The following CNTN5 variants were observed in gnomAD, a reference collection of about 807,000 sequenced individuals.
CNTN5 encodes contactin 5.
In CNTN5, 77 loss-of-function variants were observed where a neutral mutation model predicts 129.1. That is an observed-to-expected ratio of 0.60 (90% CI 0.50 to 0.72). The LOEUF (loss-of-function observed/expected upper bound fraction) is 0.72, where lower values mean the gene tolerates loss of function less well. Among genes scored for constraint, CNTN5 ranks in the 30% least tolerant of loss-of-function variants. The probability of loss-of-function intolerance (pLI) is 0.00; values close to 1 mark genes in which losing one functional copy is unlikely to be tolerated. For missense variants in CNTN5, 1,478 were observed against 1,328.8 expected (o/e 1.11, Z -1.75); for synonymous variants, 509 against 465.6 (o/e 1.09, Z -1.20).
rs1030687084 is a variant in CNTN5, at chr11:100,259,429, C to T, written c.2164+3511C>T. On this transcript the variant is annotated intron_variant, in intron 17 of 24. Coordinates refer to ENST00000524871, the MANE Select transcript of CNTN5 (RefSeq NM_014361.4). ...AAGGATATTCAGGACTTAAACTCAG[C>T]TCTGGACCAAGCAGACCTAATAAAC... Among the ~76,000 whole-genome samples, 28 of 152,120 alleles carry T rather than the reference C, an allele frequency of 1.8e-4. 1 individual carries two copies.
intron 2 of CNTN5, among the ~76,000 whole-genome samples, chr11:99,385,807 C>CTGTATATATGGAATTCCATATATGGAT (rs1229150306): frequency 3.3e-5 from 5 of 152,060 alleles, no homozygotes; most frequent in Admixed American, 6.6e-5. Flanking sequence ...ACAGTGCATC[C>CTGTATATATGGAATTCCATATATGGAT]TGTATATATG....
At chr11:100,150,286 G>A (rs1029309383) in intron 13 of CNTN5, among the ~76,000 whole-genome samples, 1 of 151,962 alleles carries the variant, frequency 6.6e-6, no homozygotes, top group Admixed American at 6.6e-5. Flanking sequence ...AAGTGACGAG[G>A]CATTAGACAC....
At chr11:100,048,839 C>T (rs1264037346) in intron 9 of CNTN5, among the ~76,000 whole-genome samples, 3 of 151,856 alleles carry the variant, frequency 2.0e-5, no homozygotes, top group Non-Finnish European at 4.4e-5. Context: ...ATCTCCAACG[C>T]TCAATGAAAT....
intron 2 of CNTN5, among the ~76,000 whole-genome samples, chr11:99,504,110 C>T (rs1946526276): frequency 1.3e-5 from 2 of 152,062 alleles, no homozygotes; most frequent in African/African-American, 4.8e-5. Context: ...AGGGGCTGCA[C>T]AGATTTAAGG....
intron 13 of CNTN5, among the ~76,000 whole-genome samples, chr11:100,164,754 CCAGCATGTAA>C (rs1947570236): frequency 1.3e-5 from 2 of 151,596 alleles, no homozygotes; most frequent in African/African-American, 4.8e-5. Flanking sequence ...TATCAGAAAA[CCAGCATGTAA>C]TATTGGTGAG....
At chr11:99,160,790 G>T (rs1449534388) in intron 1 of CNTN5, among the ~76,000 whole-genome samples, 9 of 152,170 alleles carry the variant, frequency 5.9e-5, no homozygotes, top group Non-Finnish European at 1.0e-4. Context: ...AAAATACAGT[G>T]AGAGGGAGAA....
At chr11:99,124,119 C>T (rs59508873) in intron 1 of CNTN5, among the ~76,000 whole-genome samples, 9,358 of 152,020 alleles carry the variant, frequency 0.062, 310 homozygotes, top group African/African-American at 0.085. Flanking sequence ...TGGCTTTATG[C>T]AATATGGCCA....
chr11:99,500,923 A>G (rs968969005), intron 2 of CNTN5, among the ~76,000 whole-genome samples: 2 of 152,122 alleles, frequency 1.3e-5, no homozygotes, highest in Non-Finnish European at 2.9e-5. Context: ...TATGAAAGTT[A>G]TTTTTTCTTA....
rs147983157 is a variant in CNTN5, at chr11:99,621,344, C to T, written c.55+65075C>T. ...GAGTCAAAAAACAAATAAGCAAAAC[C>T]AGTGTACTTGACTGATGAATATAAC... On this transcript the variant is annotated intron_variant, in intron 3 of 24. Transcript: ENST00000524871. Among the ~76,000 whole-genome samples, 337 of 152,168 alleles carry T rather than the reference C, an allele frequency of 2.2e-3. 1 individual carries two copies. The highest frequency in any genetic ancestry group is 7.4e-3 in the African/African-American group (307 of 41,502).
At chr11:99,899,636 G>A (rs998522164) in intron 6 of CNTN5, among the ~76,000 whole-genome samples, 1 of 151,904 alleles carries the variant, frequency 6.6e-6, no homozygotes, top group Non-Finnish European at 1.5e-5. Flanking sequence ...CTAGTGTTTT[G>A]TTGAGGAGTT....
At chr11:99,074,713 G>A (rs773619564) in intron 1 of CNTN5, among the ~76,000 whole-genome samples, 11 of 152,092 alleles carry the variant, frequency 7.2e-5, no homozygotes, top group Non-Finnish European at 1.6e-4. Context: ...AAAGAGGCTG[G>A]TGTATATTTT....
At chr11:99,582,391 A>T (rs1274686766) in intron 3 of CNTN5, among the ~76,000 whole-genome samples, 7 of 152,188 alleles carry the variant, frequency 4.6e-5, no homozygotes, top group Admixed American at 4.6e-4. Flanking sequence ...AGGTTGGAGA[A>T]GTTCTCCTGG....
At chr11:99,613,141 G>A (rs546196582) in intron 3 of CNTN5, among the ~76,000 whole-genome samples, 60 of 152,274 alleles carry the variant, frequency 3.9e-4, no homozygotes, top group African/African-American at 1.4e-3. Context: ...GGATGATATG[G>A]TTAGGCTTTG....
At chr11:100,337,655 T>G in intron 21 of CNTN5, 4 of 660,448 alleles carry the variant, frequency 6.1e-6, no homozygotes, top group Non-Finnish European at 8.7e-6. Context: ...TGAGATTTTT[T>G]ACAGCTGGAC....
intron 7 of CNTN5, among the ~76,000 whole-genome samples, chr11:99,928,158 C>T (rs1223526427): frequency 6.6e-6 from 1 of 152,208 alleles, no homozygotes; most frequent in Non-Finnish European, 1.5e-5. Context: ...GGTGGGCTCC[C>T]ATGGCCTTGG....
intron 1 of CNTN5, among the ~76,000 whole-genome samples, chr11:99,287,652 C>G (rs1863994650): frequency 6.6e-6 from 1 of 151,966 alleles, no homozygotes; most frequent in Non-Finnish European, 1.5e-5. Context: ...GTAGTTGACA[C>G]TCATCATAGT....
At chr11:100,026,901 GT>G (rs1941449915) in intron 9 of CNTN5, among the ~76,000 whole-genome samples, 1 of 151,764 alleles carries the variant, frequency 6.6e-6, no homozygotes, top group Admixed American at 6.6e-5. Flanking sequence ...ATATCAATTT[GT>G]TTTTTCATGG....
At chr11:99,148,945 A>C (rs990727802) in intron 1 of CNTN5, among the ~76,000 whole-genome samples, 1 of 152,124 alleles carries the variant, frequency 6.6e-6, no homozygotes, top group African/African-American at 2.4e-5. Context: ...AATTTTAAAG[A>C]ACAGTAAAAT....
At position 100,191,123 on chromosome 11, in the gene CNTN5, C is replaced by A; in HGVS notation, c.1581-3C>A. ...AAAAAAACTGTTTTTAAATAATTTT[C>A]AGAATAGCTATTCTTCCAGACGGGA... On this transcript the variant is annotated splice_polypyrimidine_tract_variant and splice_region_variant and intron_variant, in intron 13 of 24. Coordinates refer to ENST00000524871, the MANE Select transcript of CNTN5 (RefSeq NM_014361.4). 6.4e-7 allele frequency: 1 copy of A among 1,573,672 alleles called. No individual in the cohort carries two copies. Among genetic ancestry groups the A allele is most frequent in the Non-Finnish European group, 8.6e-7 (1 of 1,161,716 alleles).
Sources: gnomAD v4.1 joint callset for allele counts (sites outside exome capture counted in the v4.1 genomes callset) on GRCh38, gnomAD v4.1.1 for gene constraint, MANE v1.5 for transcripts, NCBI Gene and HGNC (gene_info 2026-07-23, HGNC 2026-07-21) for gene names.